DENND3: variants seen among roughly 807,000 people sequenced by gnomAD.
DENND3 encodes DENN domain containing 3, also known as DENN domain-containing protein 3.
In DENND3, 88 loss-of-function variants were observed where a neutral mutation model predicts 135.1. The observed-to-expected ratio is 0.65, with a 90% CI of 0.55 to 0.78. The LOEUF (loss-of-function observed/expected upper bound fraction) is 0.78. Ranked by LOEUF, DENND3 falls within the 30% of genes least tolerant of loss-of-function variation. The pLI, the probability that DENND3 is intolerant of heterozygous loss-of-function variation, is 0.00. For synonymous variants in DENND3, 693 were observed against 712.3 expected, an observed-to-expected ratio of 0.97 and a Z score of 0.43; for missense variants, 1,392 against 1,688.4, an observed-to-expected ratio of 0.82 and a Z score of 3.08.
At chr8:141,165,645 G>A (rs1051460638) in intron 11 of DENND3, among the ~76,000 whole-genome samples, 8 of 151,868 alleles carry the variant, frequency 5.3e-5, no homozygotes, top group African/African-American at 1.9e-4. Context: ...TTGTATTTTT[G>A]TAAAGATGGG....
rs999610061 is a variant in DENND3 at position 141,136,710 on chromosome 8, C to A, written c.304C>A (p.Pro102Thr). 3 of 1,611,354 alleles carry A rather than the reference C, an allele frequency of 1.9e-6. No homozygotes were observed. The highest frequency in any genetic ancestry group is 3.4e-5 in the Admixed American group (2 of 59,626). Residue 102 changes from proline to threonine, a missense_variant, in exon 2 of 23, where the codon CCC (proline) becomes ACC (threonine). Transcript: ENST00000519811. ...AGAGCAGTGGAAGGGCCTCCCGGGGCCCCCCAGAGCGCCAGAGCCTGAGGA... is the reference window on the plus strand; with the variant it reads ...AGAGCAGTGGAAGGGCCTCCCGGGGACCCCCAGAGCGCCAGAGCCTGAGGA... ...RPEQWKGLPG[P>T]PRAPEPEDVA...
intron 17 of DENND3, among the ~76,000 whole-genome samples, chr8:141,181,962 TTAAAAATTTTGTGTA>T (rs944148312): frequency 1.3e-5 from 2 of 152,010 alleles, no homozygotes; most frequent in African/African-American, 4.8e-5. Context: ...CCAGGTGATT[TTAAAAATTTTGTGTA>T]GAGACGGGGT....
At chr8:141,160,236 C>T (rs1042208880) in intron 8 of DENND3, among the ~76,000 whole-genome samples, 2 of 149,490 alleles carry the variant, frequency 1.3e-5, no homozygotes, top group South Asian at 2.1e-4. Flanking sequence ...TAGAGTGCAG[C>T]GGCACTATCT....
chr8:141,159,837 C>T (rs2154613054), intron 8 of DENND3, among the ~76,000 whole-genome samples: 1 of 152,320 alleles, frequency 6.6e-6, no homozygotes, highest in Non-Finnish European at 1.5e-5. Flanking sequence ...CTGAGTGAGG[C>T]CCTCTGGGGT....
At position 141,130,449 on chromosome 8, in the gene DENND3, G is replaced by A. The variant is rs973054348; in HGVS notation, c.102+1640G>A. 2.6e-5 allele frequency among the ~76,000 whole-genome samples: 4 copies of A among 152,062 alleles called. No homozygotes were observed. Among genetic ancestry groups the A allele is most frequent in the Non-Finnish European group, 5.9e-5 (4 of 68,012 alleles). On this transcript the variant is annotated intron_variant, in intron 1 of 22. Transcript: ENST00000519811. The surrounding 1 kb of genome is among the most constrained non-coding windows in gnomAD (Gnocchi z 4.2). ...GTGAGAGTATGGACAGTCTGCTACT[G>A]TGCATGCTTAACTTTGTCCTCTTTA...
chr8:141,194,351 A>G lies in DENND3; in HGVS notation c.*118A>G. 2 of 1,260,816 alleles carry G rather than the reference A, an allele frequency of 1.6e-6. No individual in the cohort carries two copies. Among genetic ancestry groups the G allele is most frequent in the Non-Finnish European group, 2.2e-6 (2 of 911,558 alleles). 78.1% of individuals were successfully genotyped at this position (1,260,816 alleles called of 1,614,324 possible). A position where few individuals can be genotyped will look rare whatever the true frequency, so the allele number is the denominator to read the frequency against. On this transcript the variant is annotated 3_prime_UTR_variant, in exon 23 of 23. Transcript: ENST00000519811. Reference sequence around the variant, plus strand: ...CAGGGCAGAGCAGCCCAGGCTCAGCATGGAGCCCACTTACCGTGTGGCCAG... The same window carrying G: ...CAGGGCAGAGCAGCCCAGGCTCAGCGTGGAGCCCACTTACCGTGTGGCCAG...
chr8:141,189,582 GGGA>G (rs1824415020), intron 19 of DENND3, among the ~76,000 whole-genome samples: 1 of 152,088 alleles, frequency 6.6e-6, no homozygotes, highest in African/African-American at 2.4e-5. Context: ...CCAGGGAGAC[GGGA>G]GGAGGAGGTG....
rs1821135060 is a variant in DENND3 at position 141,168,824 on chromosome 8, T to G, written c.2275+299T>G. Among the ~76,000 whole-genome samples, 1 of 151,982 alleles carries G rather than the reference T, an allele frequency of 6.6e-6. No homozygotes were observed. The highest frequency in any genetic ancestry group is 1.5e-5 in the Non-Finnish European group (1 of 67,992). On this transcript the variant is annotated intron_variant, in intron 13 of 22. Coordinates refer to ENST00000519811, the MANE Select transcript of DENND3 (RefSeq NM_001352890.3). This position sits in a 1 kb window ranked among gnomAD's most constrained non-coding sequence, Gnocchi z 6.2. ...CCTCGGCCTCCCTAAGTGCTGAGAT[T>G]ACAAGAGTGAGCCTCTGCGTTGGGC...
rs1353002438 is a variant in DENND3, at chr8:141,167,166, G to A, written c.1753+777G>A. Among the ~76,000 whole-genome samples the A allele has an allele frequency of 1.3e-5, 2 of 152,208 alleles. No homozygotes were observed. Among genetic ancestry groups the A allele is most frequent in the Admixed American group, 1.3e-4 (2 of 15,284 alleles). ...TTGTCTTTATCGGCTGAGCGCTGGA[G>A]CTCAGAGCGAACATTCTGGAGGCCA... On this transcript the variant is annotated intron_variant, in intron 12 of 22. Coordinates refer to ENST00000519811, the MANE Select transcript of DENND3 (RefSeq NM_001352890.3). This position sits in a 1 kb window ranked among gnomAD's most constrained non-coding sequence, Gnocchi z 4.1.
chr8:141,176,381 T>C, intron 14 of DENND3: 3 of 578,792 alleles, frequency 5.2e-6, no homozygotes, highest in Non-Finnish European at 9.1e-6. Flanking sequence ...GCTGTGTGGG[T>C]GGGTGTAGGT....
In DENND3 at chr8:141,137,456, A is replaced by G. The variant is rs958448270; in HGVS notation, c.386-566A>G. 7.9e-5 allele frequency among the ~76,000 whole-genome samples: 12 copies of G among 152,148 alleles called. No homozygotes were observed. The highest frequency in any genetic ancestry group is 2.4e-4 in the African/African-American group (10 of 41,424). ...AATGAAGTCTTGCAGTGGTTGGCAGATGGATTAAAAATACATCCAGTTCAT... is the reference window on the plus strand; with the variant it reads ...AATGAAGTCTTGCAGTGGTTGGCAGGTGGATTAAAAATACATCCAGTTCAT... On this transcript the variant is annotated intron_variant, in intron 2 of 22. Transcript: ENST00000519811. The surrounding 1 kb of genome is among the most constrained non-coding windows in gnomAD (Gnocchi z 4.1).
At chr8:141,157,348 AG>A (rs1375403674) in intron 8 of DENND3, 1 of 985,344 alleles carries the variant, frequency 1.0e-6, no homozygotes, top group East Asian at 1.1e-4. Flanking sequence ...CTTCAGTGCC[AG>A]GGCTCCCTCG....
At chr8:141,186,384 A>C (rs1823890220) in intron 18 of DENND3, among the ~76,000 whole-genome samples, 1 of 152,030 alleles carries the variant, frequency 6.6e-6, no homozygotes, top group South Asian at 2.1e-4. Context: ...CTCAGTGTCC[A>C]CTCGTCACAC....
chr8:141,145,701 C>G (rs1406154511), intron 5 of DENND3, among the ~76,000 whole-genome samples: 1 of 151,000 alleles, frequency 6.6e-6, no homozygotes, highest in Non-Finnish European at 1.5e-5. Context: ...GTTCATAGCT[C>G]CCTATGCAGA....
intron 18 of DENND3, among the ~76,000 whole-genome samples, chr8:141,186,835 T>C (rs1011741700): frequency 3.3e-5 from 5 of 152,070 alleles, no homozygotes; most frequent in Admixed American, 2.0e-4. Context: ...CTGCAGACCA[T>C]CATTTCTTGG....
intron 5 of DENND3, among the ~76,000 whole-genome samples, chr8:141,147,582 C>T (rs182366249): frequency 3.7e-4 from 56 of 152,352 alleles, no homozygotes; most frequent in African/African-American, 1.3e-3. Context: ...TCACTCTCAG[C>T]GGTCAGGTCT....
intron 8 of DENND3, among the ~76,000 whole-genome samples, chr8:141,159,604 G>T (rs1819887792): frequency 6.6e-6 from 1 of 152,242 alleles, no homozygotes; most frequent in Admixed American, 6.5e-5. Flanking sequence ...TGCCACGCAG[G>T]CAGGGGCTTG....
chr8:141,191,002 G>C (rs1335270077), intron 20 of DENND3, among the ~76,000 whole-genome samples: 1 of 152,296 alleles, frequency 6.6e-6, no homozygotes, highest in Non-Finnish European at 1.5e-5. Context: ...GCATGTGCCA[G>C]ATTACATGAG....
chr8:141,189,142 C>T lies in DENND3; in HGVS notation c.3241C>T (p.Pro1081Ser). The change falls in exon 19 of 23, where the codon CCC becomes TCC. Residue 1081 changes from proline to serine, a missense_variant. Transcript: ENST00000519811. ...GATTGTGCAGGACGGACAGGAGGCA[C>T]CCAGGTGCAGTAAGCTCTGCTGGGG... Reference protein sequence around the residue: ...DLIVQDGQEAPSNVYSCSMDG... With the variant: ...DLIVQDGQEASSNVYSCSMDG... 1.2e-6 allele frequency: 2 copies of T among 1,614,158 alleles called. No individual in the cohort carries two copies. The highest frequency in any genetic ancestry group is 1.7e-6 in the Non-Finnish European group (2 of 1,180,016).
Sources: gnomAD v4.1 joint callset for allele counts (sites outside exome capture counted in the v4.1 genomes callset) on GRCh38, gnomAD v4.1.1 for gene constraint, Gnocchi (gnomAD v3.1) non-coding constraint, MANE v1.5 for transcripts, NCBI Gene and HGNC (gene_info 2026-07-23, HGNC 2026-07-21) for gene names.